Variants in SRGN observed in about 807,000 individuals in gnomAD.
SRGN encodes hematopoetic proteoglycan core peptide.
A neutral mutation model predicts 9.5 loss-of-function variants in SRGN; 2 were observed. The observed-to-expected ratio is 0.21, with a 90% CI of 0.09 to 0.66. The LOEUF (loss-of-function observed/expected upper bound fraction) is 0.66, where lower values mean the gene tolerates loss of function less well. Among genes scored for constraint, SRGN ranks in the 30% least tolerant of loss-of-function variants. SRGN has a pLI of 0.83. For missense variants in SRGN, 170 were observed against 192.4 expected (o/e 0.88, Z 0.69); for synonymous variants, 59 against 72.3 (o/e 0.82, Z 0.93).
chr10:69,088,254 T>C lies in SRGN; in HGVS notation c.79+18T>C, dbSNP rs953236456. ...AGTTCAAGGTAAGACTCAGGAGTCT[T>C]GTTCCCCAGCCATCTTCTCTGTAAG... On this transcript the variant is annotated intron_variant, in intron 1 of 2. Transcript: ENST00000242465. 6.2e-7 allele frequency: 1 copy of C among 1,606,890 alleles called. No homozygotes were observed. The highest frequency in any genetic ancestry group is 1.3e-5 in the African/African-American group (1 of 74,770).
chr10:69,099,309 G>GTTTTT (rs59142650), intron 2 of SRGN, among the ~76,000 whole-genome samples: 1 of 138,912 alleles, frequency 7.2e-6, no homozygotes, highest in Non-Finnish European at 1.5e-5. Context: ...TTTCTCTTTT[G>GTTTTT]TTTTTTTTTT....
At chr10:69,091,240 C>A (rs1338011126) in intron 1 of SRGN, among the ~76,000 whole-genome samples, 1 of 152,148 alleles carries the variant, frequency 6.6e-6, no homozygotes, top group African/African-American at 2.4e-5. Context: ...CTGAACTGGT[C>A]GTCTGATTTC....
chr10:69,098,669 T>A (rs1037605298), intron 2 of SRGN: 1 of 152,012 alleles, frequency 6.6e-6, no homozygotes, highest in African/African-American at 2.4e-5. Flanking sequence ...GTAATTATTT[T>A]TAAAAATGGC....
At chr10:69,099,135 C>T (rs183625585) in intron 2 of SRGN, among the ~76,000 whole-genome samples, 6 of 152,094 alleles carry the variant, frequency 3.9e-5, no homozygotes, top group Admixed American at 3.9e-4. Flanking sequence ...TCAATGAATA[C>T]TAAAGCTATG....
chr10:69,099,923 C>A (rs779326582), intron 2 of SRGN, among the ~76,000 whole-genome samples: 1 of 152,058 alleles, frequency 6.6e-6, no homozygotes, highest in East Asian at 1.9e-4. Flanking sequence ...CACGGCAAGA[C>A]CCCATCTCTA....
At chr10:69,091,913 A>AAAAAAAAAAAT in intron 1 of SRGN, among the ~76,000 whole-genome samples, 1 of 79,162 alleles carries the variant, frequency 1.3e-5, no homozygotes, top group South Asian at 5.1e-4. Context: ...AAAAAAGAAA[A>AAAAAAAAAAAT]AGAAAAGAAA....
At chr10:69,102,903 CT>C (rs2132161969) in intron 2 of SRGN, among the ~76,000 whole-genome samples, 1 of 152,202 alleles carries the variant, frequency 6.6e-6, no homozygotes, top group African/African-American at 2.4e-5. Context: ...AAAATGTCAT[CT>C]GTTTGGGCTG....
At chr10:69,100,597 G>C (rs994475337) in intron 2 of SRGN, among the ~76,000 whole-genome samples, 1 of 151,996 alleles carries the variant, frequency 6.6e-6, no homozygotes, top group Non-Finnish European at 1.5e-5. Context: ...CCGTCATTGC[G>C]AAAGAATGGT....
At chr10:69,090,546 T>C (rs1840030768) in intron 1 of SRGN, among the ~76,000 whole-genome samples, 1 of 152,186 alleles carries the variant, frequency 6.6e-6, no homozygotes, top group Admixed American at 6.6e-5. Flanking sequence ...TGTCTGCACA[T>C]GGCCTTTCCT....
At chr10:69,095,456 T>C (rs1461907475) in intron 1 of SRGN, among the ~76,000 whole-genome samples, 1 of 152,166 alleles carries the variant, frequency 6.6e-6, no homozygotes, top group Non-Finnish European at 1.5e-5. Flanking sequence ...GACATGCTCC[T>C]TCTTGCTAGG....
At chr10:69,095,422 C>A (rs539822237) in intron 1 of SRGN, among the ~76,000 whole-genome samples, 1 of 151,978 alleles carries the variant, frequency 6.6e-6, no homozygotes, top group Non-Finnish European at 1.5e-5. Context: ...TTAAAACTAC[C>A]CTTCCTGACT....
intron 1 of SRGN, among the ~76,000 whole-genome samples, chr10:69,094,524 T>G (rs1840135113): frequency 6.6e-6 from 1 of 152,192 alleles, no homozygotes; most frequent in South Asian, 2.1e-4. Flanking sequence ...TCTGTTTATA[T>G]AATTGAAACT....
At chr10:69,088,068 G>T, upstream of SRGN, 1 of 1,140,952 alleles carries the variant, frequency 8.8e-7, no homozygotes, top group South Asian at 1.3e-5. Flanking sequence ...TGAGGTTTTG[G>T]AACATTTTCT....
intron 1 of SRGN, among the ~76,000 whole-genome samples, chr10:69,090,877 G>C (rs1429315920): frequency 6.6e-6 from 1 of 152,096 alleles, no homozygotes; most frequent in African/African-American, 2.4e-5. Context: ...ATTTGATGAG[G>C]CCTGTGAATC....
chr10:69,101,217 G>T (rs749215758), intron 2 of SRGN, among the ~76,000 whole-genome samples: 7 of 151,942 alleles, frequency 4.6e-5, no homozygotes, highest in Non-Finnish European at 8.8e-5. Flanking sequence ...TGCCTGCCTC[G>T]TCCTCCCAAA....
intron 1 of SRGN, among the ~76,000 whole-genome samples, chr10:69,095,323 A>AG (rs1459987435): frequency 1.3e-5 from 2 of 151,834 alleles, no homozygotes; most frequent in African/African-American, 4.8e-5. Context: ...AAAAAAAAAA[A>AG]AAGTACTTTT....
intron 2 of SRGN, 33 bp from the exon 3 acceptor site, chr10:69,103,838 T>G: frequency 6.2e-7 from 1 of 1,607,042 alleles, no homozygotes; most frequent in Non-Finnish European, 8.5e-7. Flanking sequence ...CAAACTCCAC[T>G]GGTTTTTTTC....
intron 2 of SRGN, among the ~76,000 whole-genome samples, chr10:69,099,947 C>T (rs367979239): frequency 2.4e-4 from 37 of 152,168 alleles, no homozygotes; most frequent in Admixed American, 1.2e-3. Context: ...ATTAGTGGCC[C>T]GGCGCTGTGC....
Position 69,104,137 on chromosome 10 carries a change from C to T in SRGN, c.*17C>T. The T allele has an allele frequency of 6.2e-7, 1 of 1,609,442 alleles. No individual in the cohort carries two copies. The highest frequency in any genetic ancestry group is 1.1e-5 in the South Asian group (1 of 90,914). ...ATGTTATAAAAGAGGATTTTCCCAC[C>T]TTGACACCAGGCAATGTAGTTAGCA... On this transcript the variant is annotated 3_prime_UTR_variant, in exon 3 of 3. Transcript: ENST00000242465.
Sources: allele counts gnomAD v4.1 joint callset (sites outside exome capture counted in the v4.1 genomes callset), GRCh38; gene constraint gnomAD v4.1.1; transcripts MANE v1.5; gene names NCBI Gene and HGNC (gene_info 2026-07-23, HGNC 2026-07-21).